Variants in NALCN observed in about 807,000 individuals in gnomAD.
NALCN encodes the protein sodium leak channel, non-selective, also known as sodium leak channel NALCN.
Under a neutral mutation model 225.3 loss-of-function variants are expected in NALCN, and 111 were observed. The ratio of observed to expected loss-of-function variants is 0.49; its 90% CI spans 0.42 to 0.58. The LOEUF (loss-of-function observed/expected upper bound fraction) is 0.58, where lower values mean the gene tolerates loss of function less well. Among genes scored for constraint, NALCN ranks in the 20% least tolerant of loss-of-function variants. The probability of loss-of-function intolerance (pLI) is 0.00; values close to 1 mark genes in which losing one functional copy is unlikely to be tolerated. For synonymous variants in NALCN, 764 were observed against 769.0 expected, an observed-to-expected ratio of 0.99 and a Z score of 0.11; for missense variants, 1,378 against 2,202.4, an observed-to-expected ratio of 0.63 and a Z score of 7.49.
chr13:101,195,409 A>G (rs1461036516), intron 13 of NALCN, among the ~76,000 whole-genome samples: 1 of 152,168 alleles, frequency 6.6e-6, no homozygotes, highest in East Asian at 1.9e-4. Flanking sequence ...CTAATTTGTC[A>G]TTCCTTTTAA....
intron 7 of NALCN, among the ~76,000 whole-genome samples, chr13:101,313,122 T>C (rs1279733946): frequency 6.6e-6 from 1 of 152,144 alleles, no homozygotes; most frequent in Non-Finnish European, 1.5e-5. Context: ...GAAAACTGGC[T>C]AGCCATATGT....
At chr13:101,328,595 T>TC (rs2045048495) in intron 7 of NALCN, among the ~76,000 whole-genome samples, 1 of 152,234 alleles carries the variant, frequency 6.6e-6, no homozygotes, top group Admixed American at 6.5e-5. Flanking sequence ...CTCCTATTTT[T>TC]CCCACTTTCT....
At chr13:101,370,180 C>T (rs780236550) in intron 6 of NALCN, among the ~76,000 whole-genome samples, 2 of 152,084 alleles carry the variant, frequency 1.3e-5, no homozygotes, top group Admixed American at 6.6e-5. Flanking sequence ...CTTTCTCATA[C>T]GTGTCCTCAA....
chr13:101,094,287 A>G (rs1474612947), intron 28 of NALCN, among the ~76,000 whole-genome samples: 2 of 152,052 alleles, frequency 1.3e-5, no homozygotes, highest in Non-Finnish European at 2.9e-5. Flanking sequence ...TGGCCACAAG[A>G]GTCTCTCTTC....
chr13:101,145,979 G>A (rs1241741696), intron 15 of NALCN, among the ~76,000 whole-genome samples: 1 of 152,146 alleles, frequency 6.6e-6, no homozygotes, highest in Admixed American at 6.5e-5. Context: ...GGCCAAGAGA[G>A]CTTTTAAAAC....
chr13:101,409,309 C>T (rs1158427232), intron 1 of NALCN, among the ~76,000 whole-genome samples: 1 of 152,152 alleles, frequency 6.6e-6, no homozygotes, highest in Non-Finnish European at 1.5e-5. Context: ...GTAGTAGGAG[C>T]ATTTAACACG....
chr13:101,301,735 A>G (rs2043978188), intron 7 of NALCN, among the ~76,000 whole-genome samples: 1 of 141,434 alleles, frequency 7.1e-6, no homozygotes, highest in African/African-American at 2.5e-5. Flanking sequence ...AAAAAAGACA[A>G]GACAAGAAAA....
chr13:101,096,721 T>C (rs2139581013), intron 27 of NALCN, among the ~76,000 whole-genome samples: 1 of 152,334 alleles, frequency 6.6e-6, no homozygotes, highest in Non-Finnish European at 1.5e-5. Context: ...GTGTGGTATG[T>C]GGATTACATC....
At chr13:101,369,203 C>T in intron 6 of NALCN, among the ~76,000 whole-genome samples, 1 of 99,000 alleles carries the variant, frequency 1.0e-5, no homozygotes, top group South Asian at 3.3e-4. Context: ...TGTGTGTATG[C>T]TACTAGGCAG....
Position 101,083,096 on chromosome 13 carries a change from A to T in NALCN, c.3686T>A (p.Val1229Asp). The change falls in exon 32 of 44, where the codon GTC becomes GAC. Residue 1229 changes from valine to aspartate, a missense_variant. This residue lies in a region of NALCN where 98 missense variants were observed against 156.6 expected (regional missense o/e 0.63). Coordinates refer to ENST00000251127, the MANE Select transcript of NALCN (RefSeq NM_052867.4). The part of the protein sequence containing the change: ...LVLAQSVLLS[V>D]KWDVEDPVTV... ...TCTTAGGGTGAAACGAAGTACCTTG[A>T]CAGAGAGCAACACCGACTGGGCCAG... 1 of 1,614,060 alleles carries T rather than the reference A, an allele frequency of 6.2e-7. No homozygotes were observed. The highest frequency in any genetic ancestry group is 8.5e-7 in the Non-Finnish European group (1 of 1,179,946).
At chr13:101,337,212 G>A (rs1278829737) in intron 7 of NALCN, among the ~76,000 whole-genome samples, 1 of 152,150 alleles carries the variant, frequency 6.6e-6, no homozygotes, top group Non-Finnish European at 1.5e-5. Context: ...CTTAAAGCCA[G>A]AGACCAACCC....
At chr13:101,322,997 G>A (rs867408903) in intron 7 of NALCN, among the ~76,000 whole-genome samples, 1 of 152,144 alleles carries the variant, frequency 6.6e-6, no homozygotes, top group African/African-American at 2.4e-5. Context: ...ACAGGTGTGA[G>A]CCACTGCGCC....
At chr13:101,073,533 G>A (rs774518587) in intron 37 of NALCN, 51 bp downstream of exon 37, 1 of 1,465,088 alleles carries the variant, frequency 6.8e-7, no homozygotes, top group Non-Finnish European at 9.5e-7. Flanking sequence ...TGTTGCAAGA[G>A]TTTCATGCTG....
At chr13:101,226,888 C>T (rs1254947776) in intron 13 of NALCN, among the ~76,000 whole-genome samples, 6 of 152,278 alleles carry the variant, frequency 3.9e-5, no homozygotes, top group Non-Finnish European at 5.9e-5. Context: ...ATGCTGGCTC[C>T]GTTCCTTTCT....
chr13:101,291,512 T>G (rs922743181), intron 9 of NALCN, among the ~76,000 whole-genome samples: 4 of 152,120 alleles, frequency 2.6e-5, no homozygotes, highest in Non-Finnish European at 5.9e-5. Flanking sequence ...GATTTGATTG[T>G]TCTGTGTTTG....
chr13:101,057,599 A>G (rs2031422926), intron 43 of NALCN: 2 of 286,908 alleles, frequency 7.0e-6, no homozygotes, highest in Non-Finnish European at 1.3e-5. Context: ...CTCCCTCTTC[A>G]GTTGAATACT....
intron 7 of NALCN, among the ~76,000 whole-genome samples, chr13:101,339,642 CT>C (rs1455912581): frequency 6.6e-6 from 1 of 152,230 alleles, no homozygotes; most frequent in East Asian, 1.9e-4. Flanking sequence ...TACTTAGGCT[CT>C]GTGGAAGGAG....
intron 10 of NALCN, among the ~76,000 whole-genome samples, chr13:101,279,591 C>T (rs1441062989): frequency 5.3e-5 from 8 of 151,550 alleles, no homozygotes; most frequent in East Asian, 3.9e-4. Flanking sequence ...CCGAGGCGGG[C>T]GGATCACGAG....
chr13:101,200,443 C>T (rs1300333009), intron 13 of NALCN, among the ~76,000 whole-genome samples: 1 of 152,140 alleles, frequency 6.6e-6, no homozygotes, highest in Non-Finnish European at 1.5e-5. Context: ...CATTTTTCCC[C>T]TAAATGCCCT....
Sources: gnomAD v4.1 joint callset for allele counts (sites outside exome capture counted in the v4.1 genomes callset) on GRCh38, gnomAD v4.1.1 for gene constraint, gnomAD v4.1.1 regional missense constraint, MANE v1.5 for transcripts, NCBI Gene and HGNC (gene_info 2026-07-23, HGNC 2026-07-21) for gene names.